The following ARHGAP26 variants were observed in gnomAD, a reference collection of about 807,000 sequenced individuals.
The protein encoded by ARHGAP26 is rho GTPase-activating protein 26.
A neutral mutation model predicts 104.8 loss-of-function variants in ARHGAP26; 38 were observed. The ratio of observed to expected loss-of-function variants is 0.36; its 90% CI spans 0.28 to 0.48. The LOEUF is 0.48. ARHGAP26 is among the 20% of genes least tolerant of loss of function. The probability of loss-of-function intolerance (pLI) is 0.99; values close to 1 mark genes in which losing one functional copy is unlikely to be tolerated. For synonymous variants in ARHGAP26, 341 were observed against 340.0 expected (o/e 1.00, Z -0.03); for missense variants, 704 against 947.9 (o/e 0.74, Z 3.38).
At chr5:142,960,684 G>A (rs1770086395) in intron 11 of ARHGAP26, among the ~76,000 whole-genome samples, 1 of 152,210 alleles carries the variant, frequency 6.6e-6, no homozygotes, top group South Asian at 2.1e-4. Flanking sequence ...TACCTAAAAA[G>A]GCTAAGCTTA....
intron 11 of ARHGAP26, among the ~76,000 whole-genome samples, chr5:142,963,205 TGTGTGTGTGTGTGTGCGC>T (rs1414971291): frequency 3.7e-5 from 4 of 107,456 alleles, no homozygotes; most frequent in African/African-American, 1.9e-4. Flanking sequence ...TATATGTGTG[TGTGTGTGTGTGTGTGCGC>T]GTGTGTGTGT....
chr5:142,774,675 C>T (rs79267974), intron 1 of ARHGAP26, among the ~76,000 whole-genome samples: 3,638 of 152,174 alleles, frequency 0.024, 125 homozygotes, highest in African/African-American at 0.07. Flanking sequence ...CATATAAACA[C>T]CATCATAGTA....
intron 20 of ARHGAP26, among the ~76,000 whole-genome samples, chr5:143,175,477 G>C (rs1313023445): frequency 1.3e-5 from 2 of 151,702 alleles, no homozygotes; most frequent in Non-Finnish European, 2.9e-5. Flanking sequence ...TTTCAGAAAT[G>C]TTTTAGAAAA....
chr5:142,958,568 T>C (rs1434130176), intron 11 of ARHGAP26, among the ~76,000 whole-genome samples: 1 of 152,138 alleles, frequency 6.6e-6, no homozygotes, highest in Non-Finnish European at 1.5e-5. Flanking sequence ...CTTGGGAGGC[T>C]GAAGCAGGAG....
intron 17 of ARHGAP26, 63 bp from the exon 18 acceptor site, chr5:143,120,925 G>T (rs1343922217): frequency 6.6e-7 from 1 of 1,509,472 alleles, no homozygotes; most frequent in Non-Finnish European, 9.0e-7. Flanking sequence ...AGGATACAGG[G>T]TGGTTGGTAT....
intron 1 of ARHGAP26, among the ~76,000 whole-genome samples, chr5:142,864,049 G>A (rs1597973841): frequency 6.6e-6 from 1 of 151,940 alleles, no homozygotes; most frequent in Non-Finnish European, 1.5e-5. Context: ...AGCCCCTACC[G>A]GTTTTTCCAG....
intron 17 of ARHGAP26, among the ~76,000 whole-genome samples, chr5:143,095,064 T>C (rs1347626653): frequency 6.6e-6 from 1 of 151,910 alleles, no homozygotes; most frequent in Non-Finnish European, 1.5e-5. Flanking sequence ...AATTGTACCA[T>C]ATCACCTGGA....
At chr5:143,131,739 T>A (rs1302467711) in intron 18 of ARHGAP26, among the ~76,000 whole-genome samples, 1 of 152,204 alleles carries the variant, frequency 6.6e-6, no homozygotes, top group East Asian at 1.9e-4. Context: ...GCTGTTGGCC[T>A]CCAGCTTAGA....
In ARHGAP26 at chr5:143,226,457, G is replaced by A. The variant is rs1811684098; in HGVS notation, c.*4011G>A. The stretch of plus-strand genomic sequence containing the variant: ...GATCACGCCCCTGCACTCCAGCCTG[G>A]GTGACAGAGCCAGACTCCGTCTCAA... On this transcript the variant is annotated 3_prime_UTR_variant, in exon 23 of 23. Transcript: ENST00000645722. 1 of 174,800 alleles carries A rather than the reference G, an allele frequency of 5.7e-6. No homozygotes were observed. The highest frequency in any genetic ancestry group is 1.2e-5 in the Non-Finnish European group (1 of 83,448). 10.8% of individuals were successfully genotyped at this position (174,800 alleles called of 1,614,324 possible).
At chr5:143,046,306 A>G (rs1433584983) in intron 14 of ARHGAP26, among the ~76,000 whole-genome samples, 6 of 152,224 alleles carry the variant, frequency 3.9e-5, no homozygotes, top group African/African-American at 1.4e-4. Context: ...TCAGTCTCAA[A>G]AAAAAAGGCT....
intron 6 of ARHGAP26, among the ~76,000 whole-genome samples, chr5:142,900,556 C>G (rs1034641364): frequency 6.9e-5 from 8 of 116,328 alleles, no homozygotes; most frequent in Admixed American, 6.4e-4. Flanking sequence ...AGGTCCAGTG[C>G]TATATACTTT....
chr5:142,851,060 G>A (rs914715208), intron 1 of ARHGAP26, among the ~76,000 whole-genome samples: 2 of 151,870 alleles, frequency 1.3e-5, no homozygotes, highest in Non-Finnish European at 2.9e-5. Context: ...TTTCACAGAT[G>A]AGTGGATTTT....
intron 20 of ARHGAP26, among the ~76,000 whole-genome samples, chr5:143,201,597 T>A (rs1162592514): frequency 6.6e-6 from 1 of 152,246 alleles, no homozygotes; most frequent in Non-Finnish European, 1.5e-5. Flanking sequence ...CAGACACTTC[T>A]GTAGTGAAAG....
intron 3 of ARHGAP26, among the ~76,000 whole-genome samples, chr5:142,875,937 C>T (rs1194149692): frequency 1.3e-5 from 2 of 152,182 alleles, no homozygotes; most frequent in Non-Finnish European, 2.9e-5. Flanking sequence ...GAGATGAGGT[C>T]TTGCTGTGTT....
chr5:142,999,917 C>T (rs1234581191), intron 11 of ARHGAP26, among the ~76,000 whole-genome samples: 1 of 152,014 alleles, frequency 6.6e-6, no homozygotes, highest in African/African-American at 2.4e-5. Context: ...ACCCATAAAA[C>T]TCAGTAATAA....
At chr5:143,215,661 T>G (rs1230257796) in intron 22 of ARHGAP26, among the ~76,000 whole-genome samples, 1 of 152,136 alleles carries the variant, frequency 6.6e-6, no homozygotes, top group African/African-American at 2.4e-5. Flanking sequence ...AGGCAACCAC[T>G]CTTCTACTTT....
intron 3 of ARHGAP26, among the ~76,000 whole-genome samples, chr5:142,876,776 C>T (rs1370404730): frequency 2.1e-5 from 1 of 48,456 alleles, no homozygotes. Flanking sequence ...GACCCTGTGT[C>T]AAAAAAAAAA....
At chr5:143,160,555 G>C (rs948017703) in intron 20 of ARHGAP26, among the ~76,000 whole-genome samples, 1 of 151,448 alleles carries the variant, frequency 6.6e-6, no homozygotes, top group African/African-American at 2.4e-5. Context: ...TGCAATCACA[G>C]CTCACTGCAG....
intron 20 of ARHGAP26, among the ~76,000 whole-genome samples, chr5:143,150,409 A>G (rs762108597): frequency 3.0e-4 from 45 of 152,222 alleles, no homozygotes; most frequent in Admixed American, 2.1e-3. Flanking sequence ...GAGTTCAACC[A>G]CTGTCAACTG....
Sources: allele counts gnomAD v4.1 joint callset (sites outside exome capture counted in the v4.1 genomes callset), GRCh38; gene constraint gnomAD v4.1.1; transcripts MANE v1.5; gene names NCBI Gene and HGNC (gene_info 2026-07-23, HGNC 2026-07-21).